The following MUCL1 variants were observed in gnomAD, a reference collection of about 807,000 sequenced individuals.
MUCL1 encodes the protein mucin-like protein 1.
In MUCL1, 11 loss-of-function variants were observed where a neutral mutation model predicts 9.2. The ratio of observed to expected loss-of-function variants is 1.19; its 90% CI spans 0.75 to 1.97. The LOEUF is 1.97. Ranked by LOEUF, MUCL1 falls within the 30% of genes most tolerant of loss-of-function variation. The pLI is 0.00. For missense variants in MUCL1, 144 were observed against 110.9 expected, an observed-to-expected ratio of 1.30 and a Z score of -1.34; for synonymous variants, 48 against 40.5, an observed-to-expected ratio of 1.19 and a Z score of -0.71.
At chr12:54,839,807 C>G (rs1013053327) in intron 1 of MUCL1, among the ~76,000 whole-genome samples, 13 of 152,158 alleles carry the variant, frequency 8.5e-5, no homozygotes, top group African/African-American at 3.1e-4. Context: ...TGCTCATCTC[C>G]CATAGGAGAA....
chr12:54,830,883 T>C (rs1959184469), intron 1 of MUCL1: 1 of 152,188 alleles, frequency 6.6e-6, no homozygotes, highest in South Asian at 2.1e-4. Flanking sequence ...CAGGTGAGTG[T>C]TGGATACACA....
chr12:54,858,236 T>C lies in MUCL1; in HGVS notation c.267T>C (p.Cys89=), dbSNP rs749603693. The change falls in exon 4 of 4, where the codon TGT becomes TGC. Residue 89 remains cysteine, a synonymous_variant. Coordinates refer to ENST00000308796, the MANE Select transcript of MUCL1 (RefSeq NM_058173.3). ...WVGDLPNGRV[C]P ...GGGATCTCCCGAATGGTAGAGTGTG[T>C]CCCTGAGATGGAATCAGCTTGAGTC... 2.5e-6 allele frequency: 4 copies of C among 1,613,560 alleles called. No homozygotes were observed. The highest frequency in any genetic ancestry group is 2.2e-5 in the South Asian group (2 of 91,064).
At chr12:54,847,107 A>T (rs1335407957) in intron 1 of MUCL1, among the ~76,000 whole-genome samples, 1 of 152,020 alleles carries the variant, frequency 6.6e-6, no homozygotes. Flanking sequence ...TTTTCATCTC[A>T]TGCTTATCAT....
intron 2 of MUCL1, chr12:54,855,436 G>A (rs893604073): frequency 1.6e-5 from 6 of 371,076 alleles, no homozygotes; most frequent in African/African-American, 1.0e-4. Flanking sequence ...AGAGCATGAG[G>A]TCTGATGTTG....
chr12:54,847,516 A>G (rs982226338), intron 1 of MUCL1, among the ~76,000 whole-genome samples: 21 of 152,126 alleles, frequency 1.4e-4, no homozygotes, highest in Admixed American at 3.9e-4. Context: ...TTGGGAGGCT[A>G]AGGCAGGAGA....
upstream of MUCL1, among the ~76,000 whole-genome samples, chr12:54,853,219 C>A (rs149041546): frequency 1.6e-3 from 239 of 152,322 alleles, no homozygotes; most frequent in Middle Eastern, 6.8e-3. Context: ...AACTTTAAAG[C>A]AAGGGAAATC....
At chr12:54,834,412 G>T (rs1447091579), upstream of MUCL1, among the ~76,000 whole-genome samples, 3 of 151,622 alleles carry the variant, frequency 2.0e-5, no homozygotes, top group Admixed American at 1.3e-4. Flanking sequence ...TCTTTTCATC[G>T]TCTAATTGTA....
upstream of MUCL1, among the ~76,000 whole-genome samples, chr12:54,850,945 G>C (rs949493474): frequency 5.3e-5 from 8 of 152,154 alleles, no homozygotes; most frequent in African/African-American, 1.9e-4. Flanking sequence ...TTTTTTGGCT[G>C]CATAAATGTC....
intron 2 of MUCL1, chr12:54,855,383 C>T (rs1478290263): frequency 1.9e-6 from 1 of 522,572 alleles, no homozygotes; most frequent in Non-Finnish European, 3.5e-6. Flanking sequence ...TAGACTTATA[C>T]AAATGTGGAC....
At chr12:54,848,316 G>A (rs1416777189) in intron 1 of MUCL1, among the ~76,000 whole-genome samples, 1 of 152,082 alleles carries the variant, frequency 6.6e-6, no homozygotes. Flanking sequence ...GTGCAGTAAT[G>A]ATTAGGGCAG....
intron 1 of MUCL1, among the ~76,000 whole-genome samples, chr12:54,849,102 T>C (rs1180268070): frequency 6.6e-6 from 1 of 152,044 alleles, no homozygotes. Flanking sequence ...TTCTAAGAAG[T>C]AGTGTTGAGT....
chr12:54,854,953 C>T (rs529642681), intron 1 of MUCL1, among the ~76,000 whole-genome samples, 163 bp from the exon 2 acceptor site: 2 of 152,242 alleles, frequency 1.3e-5, no homozygotes, highest in East Asian at 3.9e-4. Flanking sequence ...TATTGGTTTT[C>T]ATGGGTTTTA....
At chr12:54,857,740 A>T (rs1308843706) in intron 3 of MUCL1, among the ~76,000 whole-genome samples, 21 of 152,198 alleles carry the variant, frequency 1.4e-4, no homozygotes, top group Admixed American at 1.4e-3. Flanking sequence ...ACACGGGCAG[A>T]AAGAAAAAGG....
At chr12:54,844,732 G>T (rs1959234054) in intron 1 of MUCL1, among the ~76,000 whole-genome samples, 1 of 152,116 alleles carries the variant, frequency 6.6e-6, no homozygotes, top group Non-Finnish European at 1.5e-5. Flanking sequence ...TCAGGTGTTG[G>T]ACTATTTTCT....
At chr12:54,841,318 C>G (rs1959210388) in intron 1 of MUCL1, among the ~76,000 whole-genome samples, 1 of 152,206 alleles carries the variant, frequency 6.6e-6, no homozygotes, top group African/African-American at 2.4e-5. Context: ...TGAAGGGGCA[C>G]AGATATCTCT....
upstream of MUCL1, among the ~76,000 whole-genome samples, chr12:54,850,912 G>C (rs191951906): frequency 6.6e-6 from 1 of 152,206 alleles, no homozygotes; most frequent in Non-Finnish European, 1.5e-5. Context: ...GATGGCCAGT[G>C]ATGGTGAGCA....
chr12:54,854,979 T>A (rs1444215510), intron 1 of MUCL1, 137 bp from the exon 2 acceptor site: 1 of 721,090 alleles, frequency 1.4e-6, no homozygotes, highest in Admixed American at 2.3e-5. Context: ...TCTGTGCACT[T>A]GTTCTTCCTC....
upstream of MUCL1, among the ~76,000 whole-genome samples, chr12:54,853,809 G>A (rs567543857): frequency 1.3e-5 from 2 of 152,150 alleles, no homozygotes; most frequent in South Asian, 2.1e-4. Context: ...CTAACATCTA[G>A]CATTGTGTCT....
chr12:54,855,440 G>C, intron 2 of MUCL1: 1 of 361,914 alleles, frequency 2.8e-6, no homozygotes, highest in Non-Finnish European at 5.2e-6. Context: ...CATGAGGTCT[G>C]ATGTTGTAGC....
Sources: gnomAD v4.1 joint callset for allele counts (sites outside exome capture counted in the v4.1 genomes callset) on GRCh38, gnomAD v4.1.1 for gene constraint, MANE v1.5 for transcripts, NCBI Gene and HGNC (gene_info 2026-07-23, HGNC 2026-07-21) for gene names.